PPFIBP2: variants seen among roughly 807,000 people sequenced by gnomAD.
PPFIBP2 encodes PPFIB scaffold protein 2, also known as liprin-beta-2.
In PPFIBP2, 118 loss-of-function variants were observed where a neutral mutation model predicts 118.3. The observed-to-expected ratio is 1.00, with a 90% CI of 0.86 to 1.16. The LOEUF is 1.16. Among genes scored for constraint, PPFIBP2 ranks in the 50% most tolerant of loss-of-function variants. The probability of loss-of-function intolerance (pLI) is 0.00; values close to 1 mark genes in which losing one functional copy is unlikely to be tolerated. For synonymous variants in PPFIBP2, 414 were observed against 397.4 expected (o/e 1.04, Z -0.50); for missense variants, 1,195 against 1,073.1 (o/e 1.11, Z -1.59).
At chr11:7,559,725 T>C (rs1280288410) in intron 2 of PPFIBP2, among the ~76,000 whole-genome samples, 1 of 152,164 alleles carries the variant, frequency 6.6e-6, no homozygotes, top group Non-Finnish European at 1.5e-5. Context: ...ACTTTCTTTC[T>C]ATAGGGGTCT....
At chr11:7,565,452 T>A (rs1854855264) in intron 2 of PPFIBP2, 101 bp from the exon 3 acceptor site, 34 of 1,228,826 alleles carry the variant, frequency 2.8e-5, no homozygotes, top group Non-Finnish European at 3.9e-5. Flanking sequence ...CAGCTTCTTA[T>A]CTGTCCCTTT....
rs544070936 is a variant in PPFIBP2, at chr11:7,516,025, C to T, written c.-37+1904C>T. 1.8e-4 allele frequency among the ~76,000 whole-genome samples: 27 copies of T among 152,298 alleles called. No homozygotes were observed. The South Asian group carries it at 3.1e-3, about 18-fold the overall frequency. ...TTGCTGATCATTTCCCTATGTGTAG[C>T]AAGGATTTAGAGTAGCAGTTTGCAA... is the stretch of plus-strand genomic sequence containing the variant. On this transcript the variant is annotated intron_variant, in intron 1 of 23. Transcript: ENST00000299492.
At chr11:7,558,577 A>C (rs1354914836) in intron 2 of PPFIBP2, among the ~76,000 whole-genome samples, 1 of 152,002 alleles carries the variant, frequency 6.6e-6, no homozygotes, top group East Asian at 1.9e-4. Flanking sequence ...AATATGGCAA[A>C]ACCCCGTCTC....
chr11:7,653,903 G>T, downstream of PPFIBP2: 1 of 805,062 alleles, frequency 1.2e-6, no homozygotes, highest in Non-Finnish European at 1.7e-6. Context: ...CACCAGGGGG[G>T]TAGAGCAAGG....
intron 7 of PPFIBP2, among the ~76,000 whole-genome samples, chr11:7,621,298 C>T (rs948873859): frequency 6.6e-6 from 1 of 152,114 alleles, no homozygotes; most frequent in Non-Finnish European, 1.5e-5. Context: ...TGAAGCTGGG[C>T]CAAGAAGGGG....
chr11:7,666,311 C>T, the PPFIBP2 span: 2 of 625,784 alleles, frequency 3.2e-6, no homozygotes, highest in African/African-American at 1.8e-5. Flanking sequence ...TCACATTTCC[C>T]ATCTGGAGCC....
At chr11:7,577,332 T>TGTGCGTGTGTGTGTGTGC (rs1554958810) in intron 3 of PPFIBP2, 51 of 243,646 alleles carry the variant, frequency 2.1e-4, no homozygotes, top group African/African-American at 1.3e-3. Context: ...TGTGTGTGTG[T>TGTGCGTGTGTGTGTGTGC]GTGTGTGTGT....
intron 6 of PPFIBP2, among the ~76,000 whole-genome samples, chr11:7,615,335 C>CA (rs35137869): frequency 0.018 from 1,793 of 98,958 alleles, 17 homozygotes; most frequent in Middle Eastern, 0.05. Flanking sequence ...GACTCCGTCT[C>CA]AAAAAAAAAA....
intron 14 of PPFIBP2, among the ~76,000 whole-genome samples, chr11:7,636,590 G>A (rs7110779): frequency 6.6e-6 from 1 of 152,008 alleles, no homozygotes; most frequent in African/African-American, 2.4e-5. Context: ...CCACCTCAGC[G>A]TCACAGAGGT....
chr11:7,555,038 CAATTGA>C (rs1853445883), intron 2 of PPFIBP2, among the ~76,000 whole-genome samples: 2 of 152,202 alleles, frequency 1.3e-5, no homozygotes, highest in African/African-American at 4.8e-5. Context: ...ACACTGTTGA[CAATTGA>C]AATTGAACTC....
At chr11:7,606,886 ATTTTTTTTTTTTTTTTTTTTTTTTTT>A (rs529585905) in intron 5 of PPFIBP2, among the ~76,000 whole-genome samples, 2 of 51,352 alleles carry the variant, frequency 3.9e-5, no homozygotes, top group South Asian at 7.2e-4. Flanking sequence ...AACTGCATGA[ATTTTTTTTTTTTTTTTTTTTTTTTTT>A]TTTTTTTTTT....
At chr11:7,662,247 G>A in the PPFIBP2 span, among the ~76,000 whole-genome samples, 1 of 152,232 alleles carries the variant, frequency 6.6e-6, no homozygotes, top group East Asian at 1.9e-4. Flanking sequence ...TAGTCTTGAT[G>A]GTCTTTACAT....
intron 6 of PPFIBP2, among the ~76,000 whole-genome samples, chr11:7,618,530 T>C (rs950841000): frequency 2.0e-5 from 3 of 152,144 alleles, no homozygotes; most frequent in African/African-American, 7.2e-5. Flanking sequence ...GATACAAGGC[T>C]GAGCAGAAGA....
At chr11:7,586,362 TTTAGA>T (rs1156864774) in intron 3 of PPFIBP2, among the ~76,000 whole-genome samples, 1 of 152,218 alleles carries the variant, frequency 6.6e-6, no homozygotes, top group African/African-American at 2.4e-5. Flanking sequence ...ATGTTGGTCT[TTTAGA>T]TTAAACAAAG....
At chr11:7,528,481 C>A (rs1395534567) in intron 1 of PPFIBP2, among the ~76,000 whole-genome samples, 2 of 152,144 alleles carry the variant, frequency 1.3e-5, no homozygotes, top group Non-Finnish European at 2.9e-5. Flanking sequence ...CTAATTTATA[C>A]AAAAAGCTTC....
intron 1 of PPFIBP2, among the ~76,000 whole-genome samples, chr11:7,535,270 G>A (rs1851094565): frequency 6.6e-6 from 1 of 152,216 alleles, no homozygotes; most frequent in African/African-American, 2.4e-5. Context: ...ACTTGCCTGA[G>A]CATTGAAAAA....
At chr11:7,617,059 T>G in intron 6 of PPFIBP2, 14 of 919,988 alleles carry the variant, frequency 1.5e-5, no homozygotes, top group South Asian at 5.0e-5. Context: ...GTTCTGCGTC[T>G]GAGAGCTGTC....
chr11:7,522,113 A>G (rs1405486404), intron 1 of PPFIBP2, among the ~76,000 whole-genome samples: 1 of 152,220 alleles, frequency 6.6e-6, no homozygotes, highest in East Asian at 1.9e-4. Context: ...GGAACTTCTT[A>G]TGAGCACAGG....
chr11:7,666,434 G>A, the PPFIBP2 span: 1 of 1,524,616 alleles, frequency 6.6e-7, no homozygotes, highest in East Asian at 2.3e-5. Context: ...GGTGAGTGAG[G>A]GCAATGGATG....
Sources: allele counts gnomAD v4.1 joint callset (sites outside exome capture counted in the v4.1 genomes callset), GRCh38; gene constraint gnomAD v4.1.1; transcripts MANE v1.5; gene names NCBI Gene and HGNC (gene_info 2026-07-23, HGNC 2026-07-21).